Variants in IFTAP observed in about 807,000 individuals in gnomAD.
IFTAP encodes intraflagellar transport-associated protein.
A neutral mutation model predicts 19.4 loss-of-function variants in IFTAP; 19 were observed. That is an observed-to-expected ratio of 0.98 (90% CI 0.68 to 1.44). IFTAP has a LOEUF of 1.44. Ranked by LOEUF, IFTAP falls within the 40% of genes most tolerant of loss-of-function variation. IFTAP has a pLI of 0.00. For missense variants in IFTAP, 240 were observed against 253.6 expected, an observed-to-expected ratio of 0.95 and a Z score of 0.36; for synonymous variants, 85 against 83.5, an observed-to-expected ratio of 1.02 and a Z score of -0.10.
chr11:36,655,628 GTA>G (rs1853947488), intron 5 of IFTAP, among the ~76,000 whole-genome samples: 1 of 152,150 alleles, frequency 6.6e-6, no homozygotes, highest in South Asian at 2.1e-4. Context: ...CCACATTACA[GTA>G]TATCTCCAAA....
intron 2 of IFTAP, among the ~76,000 whole-genome samples, chr11:36,613,510 C>T (rs1851948577): frequency 6.6e-6 from 1 of 151,880 alleles, no homozygotes; most frequent in Non-Finnish European, 1.5e-5. Context: ...CACTCATAAT[C>T]CAGTGGTAGA....
intron 4 of IFTAP, among the ~76,000 whole-genome samples, chr11:36,647,137 CTTCCACTGAG>C (rs1853518518): frequency 6.6e-6 from 1 of 152,128 alleles, no homozygotes; most frequent in Non-Finnish European, 1.5e-5. Context: ...TTATTAATCA[CTTCCACTGAG>C]AAGTTAATTA....
intron 4 of IFTAP, among the ~76,000 whole-genome samples, chr11:36,640,389 A>G (rs1853151061): frequency 6.6e-6 from 1 of 152,214 alleles, no homozygotes; most frequent in South Asian, 2.1e-4. Flanking sequence ...TACATATTAC[A>G]TCTTTATTCT....
At chr11:36,612,201 G>C (rs1190659390) in intron 2 of IFTAP, among the ~76,000 whole-genome samples, 2 of 151,784 alleles carry the variant, frequency 1.3e-5, no homozygotes, top group South Asian at 4.1e-4. Flanking sequence ...TTCATTTTGG[G>C]TTCAGTTTTG....
intron 2 of IFTAP, among the ~76,000 whole-genome samples, chr11:36,631,096 G>T (rs1027376385): frequency 6.6e-6 from 1 of 151,470 alleles, no homozygotes; most frequent in Admixed American, 6.5e-5. Flanking sequence ...TATAGGGCTG[G>T]TTACTCCAAC....
rs1277737928 is a variant in IFTAP at position 36,642,594 on chromosome 11, T to G, written c.359-5422T>G. Reference sequence around the variant, plus strand: ...GACCAATATCCCTCATGAACATCGATGCAAAAATCCTCAATAAAATACTAG... The same window carrying G: ...GACCAATATCCCTCATGAACATCGAGGCAAAAATCCTCAATAAAATACTAG... On this transcript the variant is annotated intron_variant, in intron 4 of 5. Transcript: ENST00000334307. Among the ~76,000 whole-genome samples, 3 of 152,160 alleles carry G rather than the reference T, an allele frequency of 2.0e-5. No homozygotes were observed. The East Asian group carries it at 5.8e-4, about 29-fold the overall frequency.
intron 1 of IFTAP, among the ~76,000 whole-genome samples, chr11:36,604,322 G>A (rs1460454610): frequency 6.6e-6 from 1 of 152,168 alleles, no homozygotes; most frequent in Non-Finnish European, 1.5e-5. Context: ...TGATAATGAA[G>A]AGGTCTATGC....
intron 2 of IFTAP, 92 bp downstream of exon 2, chr11:36,610,331 A>G (rs1851836783): frequency 1.7e-6 from 2 of 1,178,954 alleles, no homozygotes; most frequent in African/African-American, 3.1e-5. Flanking sequence ...AAGACTATTT[A>G]GTGAACATTC....
At position 36,610,081 on chromosome 11, in the gene IFTAP, A is replaced by G. The variant is rs764049950; in HGVS notation, c.-23A>G. 9.3e-6 allele frequency: 15 copies of G among 1,611,050 alleles called. No individual in the cohort carries two copies. Among genetic ancestry groups the G allele is most frequent in the South Asian group, 6.6e-5 (6 of 90,746 alleles). ...TAGCTGGTATTTTTCTGTCTTGCAG[A>G]TACTGTGGCCTCATGAATAGGAATG... is the stretch of plus-strand genomic sequence containing the variant. On this transcript the variant is annotated splice_region_variant and 5_prime_UTR_variant, in exon 2 of 6. Coordinates refer to ENST00000334307, the MANE Select transcript of IFTAP (RefSeq NM_138787.4).
Position 36,629,045 on chromosome 11 carries a change from T to C in IFTAP, c.137-4239T>C, listed in dbSNP as rs1408661390. 2.0e-5 allele frequency among the ~76,000 whole-genome samples: 3 copies of C among 151,360 alleles called. 1 individual carries two copies. The highest frequency in any genetic ancestry group is 7.4e-5 in the African/African-American group (3 of 40,628). ...TTTAGCTTCTTTGGATTTATTCTGA[T>C]TTATGATTGATTGGTTTTTAAATTG... On this transcript the variant is annotated intron_variant, in intron 2 of 5. Transcript: ENST00000334307.
intron 1 of IFTAP, 128 bp downstream of exon 1, chr11:36,594,720 A>T (rs1278487735): frequency 6.3e-6 from 1 of 158,938 alleles, no homozygotes; most frequent in African/African-American, 2.4e-5. Flanking sequence ...GCAAACCGCT[A>T]CCCTGGTATT....
At chr11:36,645,394 G>T (rs1853440728) in intron 4 of IFTAP, among the ~76,000 whole-genome samples, 1 of 152,036 alleles carries the variant, frequency 6.6e-6, no homozygotes, top group Non-Finnish European at 1.5e-5. Flanking sequence ...TTTGAAAGTG[G>T]CCCTGATTCT....
chr11:36,619,637 A>G (rs1482539273), intron 2 of IFTAP, among the ~76,000 whole-genome samples: 1 of 152,028 alleles, frequency 6.6e-6, no homozygotes, highest in Non-Finnish European at 1.5e-5. Context: ...AGGGCTTAAC[A>G]TTGTTTTGAT....
chr11:36,643,763 A>T (rs1301912070), intron 4 of IFTAP, among the ~76,000 whole-genome samples: 1 of 152,232 alleles, frequency 6.6e-6, no homozygotes, highest in African/African-American at 2.4e-5. Context: ...TTCCCTATTT[A>T]ATAAATGGTG....
chr11:36,608,692 G>T (rs1379815168), intron 1 of IFTAP, among the ~76,000 whole-genome samples: 1 of 152,198 alleles, frequency 6.6e-6, no homozygotes, highest in Non-Finnish European at 1.5e-5. Context: ...CAGTGTGAAT[G>T]TGAGCTCTAG....
intron 4 of IFTAP, among the ~76,000 whole-genome samples, chr11:36,646,976 T>C (rs1198607631): frequency 6.6e-6 from 1 of 152,064 alleles, no homozygotes; most frequent in Non-Finnish European, 1.5e-5. Context: ...GTTGCTGGAG[T>C]CATAAGAATT....
At chr11:36,647,840 T>C (rs904694757) in intron 4 of IFTAP, among the ~76,000 whole-genome samples, 176 bp from the exon 5 acceptor site, 2 of 152,122 alleles carry the variant, frequency 1.3e-5, no homozygotes, top group African/African-American at 4.8e-5. Flanking sequence ...TGGCTTCTAT[T>C]ATGAGGAAAG....
At chr11:36,636,178 T>G (rs1051334279) in intron 4 of IFTAP, 61 bp downstream of exon 4, 2 of 1,283,008 alleles carry the variant, frequency 1.6e-6, no homozygotes, top group African/African-American at 3.0e-5. Flanking sequence ...CAAATAAGGC[T>G]TTAGACAGCT....
At chr11:36,624,992 A>G (rs1055987426) in intron 2 of IFTAP, among the ~76,000 whole-genome samples, 5 of 152,214 alleles carry the variant, frequency 3.3e-5, no homozygotes, top group African/African-American at 1.2e-4. Context: ...CTATTGTCCT[A>G]TAGATAAACC....
Sources: gnomAD v4.1 joint callset for allele counts (sites outside exome capture counted in the v4.1 genomes callset) on GRCh38, gnomAD v4.1.1 for gene constraint, MANE v1.5 for transcripts, NCBI Gene and HGNC (gene_info 2026-07-23, HGNC 2026-07-21) for gene names.